Variants in MTUS2 observed in about 807,000 individuals in gnomAD.
MTUS2 encodes the protein microtubule-associated tumor suppressor candidate 2.
A neutral mutation model predicts 114.1 loss-of-function variants in MTUS2; 40 were observed. That is an observed-to-expected ratio of 0.35 (90% CI 0.27 to 0.46). The LOEUF is 0.46. Among genes scored for constraint, MTUS2 ranks in the 20% least tolerant of loss-of-function variants. MTUS2 has a pLI of 1.00. For missense variants in MTUS2, 1,679 were observed against 1,705.4 expected, an observed-to-expected ratio of 0.98 and a Z score of 0.27; for synonymous variants, 688 against 672.0, an observed-to-expected ratio of 1.02 and a Z score of -0.37.
chr13:28,948,218 C>T (rs2138162098), intron 2 of MTUS2, among the ~76,000 whole-genome samples: 1 of 152,258 alleles, frequency 6.6e-6, no homozygotes, highest in East Asian at 1.9e-4. Context: ...CAGCTGTTTA[C>T]TCACTTGTGT....
intron 2 of MTUS2, among the ~76,000 whole-genome samples, chr13:28,866,997 G>GT (rs1235901746): frequency 3.9e-5 from 6 of 152,168 alleles, no homozygotes; most frequent in East Asian, 1.9e-4. Context: ...TCAAGTAACT[G>GT]TTTAAGTTGC....
intron 5 of MTUS2, among the ~76,000 whole-genome samples, chr13:29,145,915 T>C (rs1209039807): frequency 3.3e-5 from 5 of 152,194 alleles, no homozygotes; most frequent in Non-Finnish European, 5.9e-5. Context: ...CTTCAAATGG[T>C]AAAGAAAGCT....
rs148966772 is a variant in MTUS2 at position 28,952,525 on chromosome 13, G to A, written c.-242-71932G>A. Among the ~76,000 whole-genome samples, 368 of 151,756 alleles carry A rather than the reference G, an allele frequency of 2.4e-3. 4 individuals carry two copies. The highest frequency in any genetic ancestry group is 4.2e-3 in the Admixed American group (64 of 15,248). ...TTGGGTGTTCTTTCAGATTTTTTTC[G>A]TTTTCCCTTACTTTCTCTTCTGTCA... On this transcript the variant is annotated intron_variant, in intron 2 of 15. Transcript: ENST00000612955.
At chr13:29,461,834 T>C (rs1879518607) in intron 9 of MTUS2, among the ~76,000 whole-genome samples, 1 of 152,176 alleles carries the variant, frequency 6.6e-6, no homozygotes. Flanking sequence ...TTATTTAATA[T>C]TAAAACTTAG....
intron 8 of MTUS2, among the ~76,000 whole-genome samples, chr13:29,393,862 C>A (rs981681570): frequency 6.6e-6 from 1 of 152,094 alleles, no homozygotes; most frequent in African/African-American, 2.4e-5. Flanking sequence ...AGGGGGCTTC[C>A]AGGTCATAGG....
chr13:29,243,110 T>C (rs955590336), intron 5 of MTUS2, among the ~76,000 whole-genome samples: 9 of 152,194 alleles, frequency 5.9e-5, no homozygotes, highest in African/African-American at 2.2e-4. Flanking sequence ...GGTATTTGCA[T>C]CTACTCATTT....
chr13:29,018,409 A>G (rs1392095497), intron 2 of MTUS2, among the ~76,000 whole-genome samples: 1 of 152,212 alleles, frequency 6.6e-6, no homozygotes, highest in East Asian at 1.9e-4. Flanking sequence ...ACTGGAAATC[A>G]AAGCCTAAAA....
chr13:29,264,163 G>A (rs1005901524), intron 5 of MTUS2, among the ~76,000 whole-genome samples: 4 of 152,192 alleles, frequency 2.6e-5, no homozygotes, highest in East Asian at 1.9e-4. Flanking sequence ...GGCCCCACAC[G>A]AATCCAAAAC....
chr13:29,337,605 A>ATTT (rs200669729), intron 7 of MTUS2, among the ~76,000 whole-genome samples: 2 of 144,946 alleles, frequency 1.4e-5, no homozygotes. Flanking sequence ...TTATTTTTCT[A>ATTT]TTTTTTTTTT....
At chr13:28,874,337 A>C (rs978917254) in intron 2 of MTUS2, among the ~76,000 whole-genome samples, 1 of 152,184 alleles carries the variant, frequency 6.6e-6, no homozygotes, top group African/African-American at 2.4e-5. Context: ...AAGATAAACT[A>C]TTCAATTTAT....
At chr13:28,870,605 C>T (rs1294463746) in intron 2 of MTUS2, among the ~76,000 whole-genome samples, 1 of 152,106 alleles carries the variant, frequency 6.6e-6, no homozygotes, top group Non-Finnish European at 1.5e-5. Flanking sequence ...TGCAGTTGAT[C>T]AGGTGTGGTA....
chr13:29,223,825 C>G (rs1168786018), intron 5 of MTUS2, among the ~76,000 whole-genome samples: 1 of 152,232 alleles, frequency 6.6e-6, no homozygotes, highest in Non-Finnish European at 1.5e-5. Context: ...CTGTGACACC[C>G]TCTTTGGAGT....
chr13:29,498,569 C>T, intron 14 of MTUS2, 32 bp downstream of exon 14: 1 of 1,612,862 alleles, frequency 6.2e-7, no homozygotes, highest in Non-Finnish European at 8.5e-7. Flanking sequence ...GGAGAGTAAC[C>T]TCCATGACAT....
chr13:29,358,703 G>T (rs919465294), intron 7 of MTUS2, among the ~76,000 whole-genome samples: 1 of 152,188 alleles, frequency 6.6e-6, no homozygotes, highest in African/African-American at 2.4e-5. Context: ...TGTTGCAGGA[G>T]ACCTCACAAT....
rs187236829 is a variant in MTUS2, at chr13:29,038,146, G to A, written c.2446+4021G>A. On this transcript the variant is annotated intron_variant, in intron 4 of 15. Coordinates refer to ENST00000612955, the MANE Select transcript of MTUS2 (RefSeq NM_001033602.4). ...TGTGCTGGTTTTCCCTCATCTTCAT[G>A]GATTTATCTACCTTTGTTATTTGAT... is the stretch of plus-strand genomic sequence containing the variant. Among the ~76,000 whole-genome samples the A allele has an allele frequency of 7.2e-4, 110 of 152,092 alleles. 1 individual carries two copies. The highest frequency in any genetic ancestry group is 1.8e-4 in the Non-Finnish European group (12 of 68,008).
intron 2 of MTUS2, among the ~76,000 whole-genome samples, chr13:28,907,032 C>G (rs973422309): frequency 6.6e-6 from 1 of 151,532 alleles, no homozygotes; most frequent in Non-Finnish European, 1.5e-5. Flanking sequence ...AAGGGAAGCC[C>G]ATCAGGCTAA....
chr13:29,215,504 T>C (rs537645155), intron 5 of MTUS2, among the ~76,000 whole-genome samples: 28 of 145,016 alleles, frequency 1.9e-4, no homozygotes, highest in African/African-American at 5.9e-4. Flanking sequence ...TTCCCCATCT[T>C]TGTGGATTTA....
chr13:29,354,688 A>G (rs1283645818), intron 7 of MTUS2, among the ~76,000 whole-genome samples: 1 of 152,138 alleles, frequency 6.6e-6, no homozygotes, highest in Non-Finnish European at 1.5e-5. Flanking sequence ...CCCGACCTGT[A>G]CTTAAGACCA....
At chr13:29,321,928 C>T (rs11838584) in intron 6 of MTUS2, among the ~76,000 whole-genome samples, 8,173 of 152,166 alleles carry the variant, frequency 0.054, 741 homozygotes, top group African/African-American at 0.19. Flanking sequence ...GGGCAGCTTT[C>T]CATGCCAGTA....
Sources: allele counts gnomAD v4.1 joint callset (sites outside exome capture counted in the v4.1 genomes callset), GRCh38; gene constraint gnomAD v4.1.1; transcripts MANE v1.5; gene names NCBI Gene and HGNC (gene_info 2026-07-23, HGNC 2026-07-21).